CLTCL1: variants seen among roughly 807,000 people sequenced by gnomAD.
CLTCL1 encodes the protein clathrin heavy chain like 1.
A neutral mutation model predicts 190.0 loss-of-function variants in CLTCL1; 159 were observed. The ratio of observed to expected loss-of-function variants is 0.84; its 90% confidence interval spans 0.74 to 0.95. The LOEUF (loss-of-function observed/expected upper bound fraction) is 0.95, where lower values mean the gene tolerates loss of function less well. CLTCL1 is among the 40% of genes least tolerant of loss of function. CLTCL1 has a pLI of 0.00. For synonymous variants in CLTCL1, 752 were observed against 769.6 expected, an observed-to-expected ratio of 0.98 and a Z score of 0.38; for missense variants, 1,878 against 2,033.4, an observed-to-expected ratio of 0.92 and a Z score of 1.47.
chr22:19,282,146 T>C (rs1325473874), intron 1 of CLTCL1, among the ~76,000 whole-genome samples: 1 of 152,008 alleles, frequency 6.6e-6, no homozygotes, highest in Non-Finnish European at 1.5e-5. Flanking sequence ...CTGGCCAATA[T>C]GGTGAAACCC....
At chr22:19,197,278 C>T (rs2084740848) in intron 24 of CLTCL1, among the ~76,000 whole-genome samples, 2 of 152,094 alleles carry the variant, frequency 1.3e-5, no homozygotes, top group African/African-American at 4.8e-5. Context: ...CTTGTTTTCC[C>T]AAGGAGGACA....
intron 4 of CLTCL1, 107 bp from the exon 5 acceptor site, chr22:19,239,495 T>TAACGC: frequency 5.0e-6 from 4 of 799,720 alleles, no homozygotes; most frequent in Non-Finnish European, 8.8e-6. Flanking sequence ...ACTGGATGAT[T>TAACGC]AACGCTAAAA....
At position 19,210,312 on chromosome 22, in the gene CLTCL1, A is replaced by T. The variant is rs373582037; in HGVS notation, c.3249+14T>A. 6.2e-6 allele frequency: 10 copies of T among 1,612,022 alleles called. No individual in the cohort carries two copies. In the African/African-American group the frequency reaches 1.3e-4, roughly 22 times the overall value. On this transcript the variant is annotated intron_variant, in intron 20 of 32. Coordinates refer to ENST00000427926, the MANE Select transcript of CLTCL1 (RefSeq NM_007098.4). ...AAGGTGCTAGGTCCGACATGCTTAC[A>T]CTCAGCAGCCCACCTGGATTGCTGA... is the stretch of plus-strand genomic sequence containing the variant.
intron 22 of CLTCL1, among the ~76,000 whole-genome samples, chr22:19,204,097 CTGTT>C (rs1460995249): frequency 6.6e-6 from 1 of 152,242 alleles, no homozygotes; most frequent in African/African-American, 2.4e-5. Flanking sequence ...GTCCTTCACT[CTGTT>C]TGTAGCATAG....
chr22:19,236,029 A>G (rs1222042158), intron 5 of CLTCL1, among the ~76,000 whole-genome samples, 160 bp from the exon 6 acceptor site: 1 of 152,140 alleles, frequency 6.6e-6, no homozygotes, highest in African/African-American at 2.4e-5. Context: ...GTGCCACCAT[A>G]GCTCACTGCA....
intron 26 of CLTCL1, 84 bp from the exon 27 acceptor site, chr22:19,191,519 C>G: frequency 6.5e-7 from 1 of 1,542,044 alleles, no homozygotes; most frequent in Non-Finnish European, 8.8e-7. Flanking sequence ...TCAAATGACA[C>G]TTTACTACTG....
rs1555959663 is a variant in CLTCL1 at position 19,232,617 on chromosome 22, C to A, written c.1522-19G>T. 3 of 1,600,986 alleles carry A rather than the reference C, an allele frequency of 1.9e-6. No homozygotes were observed. The South Asian group carries it at 3.4e-5, about 18-fold the overall frequency. On this transcript the variant is annotated intron_variant, in intron 9 of 32. Transcript: ENST00000427926. ...ACCCAACCTAGAAGCAAGGGAGCACCAATCAGGAAAATCAATGAAAAACCC... is the reference window on the plus strand; with the variant it reads ...ACCCAACCTAGAAGCAAGGGAGCACAAATCAGGAAAATCAATGAAAAACCC...
chr22:19,243,022 G>T lies in CLTCL1; in HGVS notation c.520-86C>A, dbSNP rs908600323. 3 of 1,306,372 alleles carry T rather than the reference G, an allele frequency of 2.3e-6. No individual in the cohort carries two copies. In the African/African-American group the frequency reaches 4.5e-5, roughly 19 times the overall value. The allele number at this position is 1,306,372 out of a possible 1,614,324, so 80.9% of individuals were successfully genotyped here. On this transcript the variant is annotated intron_variant, in intron 3 of 32. Transcript: ENST00000427926. Reference sequence around the variant, plus strand: ...CTTAAAATATATTTCTAAAATGAAAGTCTCATACATTAGAGGTATACTTCC... The same window carrying T: ...CTTAAAATATATTTCTAAAATGAAATTCTCATACATTAGAGGTATACTTCC...
chr22:19,262,856 C>A (rs1399191219), intron 2 of CLTCL1, among the ~76,000 whole-genome samples: 1 of 151,672 alleles, frequency 6.6e-6, no homozygotes, highest in Non-Finnish European at 1.5e-5. Flanking sequence ...CATGGTGAAA[C>A]CCCATCTCTA....
chr22:19,187,545 C>T lies in CLTCL1; in HGVS notation c.4605+13G>A, dbSNP rs1013283284. 5.0e-6 allele frequency: 8 copies of T among 1,599,524 alleles called. No individual in the cohort carries two copies. The highest frequency in any genetic ancestry group is 6.8e-6 in the Non-Finnish European group (8 of 1,169,964). Reference sequence around the variant, plus strand: ...GGCAGGAAGGTGGGAGGAAACGGGCCCAGGCCACCAACCTTGTAGAGATGA... The same window carrying T: ...GGCAGGAAGGTGGGAGGAAACGGGCTCAGGCCACCAACCTTGTAGAGATGA... On this transcript the variant is annotated intron_variant, in intron 29 of 32. Transcript: ENST00000427926.
Position 19,241,180 on chromosome 22 carries a change from C to T in CLTCL1, c.681+1595G>A, listed in dbSNP as rs114135853. On this transcript the variant is annotated intron_variant, in intron 4 of 32. Transcript: ENST00000427926. ...AGCTCGGCTGGAGGGGCATGCCCAC[C>T]AGAAAGCTAGGTGTAGAGAGAACCC... 5.7e-3 allele frequency among the ~76,000 whole-genome samples: 868 copies of T among 152,320 alleles called. 12 individuals are homozygous for T. The highest frequency in any genetic ancestry group is 0.019 in the African/African-American group (781 of 41,568).
intron 19 of CLTCL1, among the ~76,000 whole-genome samples, chr22:19,212,585 G>GAAAA (rs2085262670): frequency 8.8e-6 from 1 of 113,060 alleles, no homozygotes; most frequent in African/African-American, 3.3e-5. Flanking sequence ...AAGAAAGAAA[G>GAAAA]AGAAAGAAAG....
intron 1 of CLTCL1, among the ~76,000 whole-genome samples, chr22:19,285,164 A>C (rs781882667): frequency 6.6e-6 from 1 of 150,428 alleles, no homozygotes; most frequent in Non-Finnish European, 1.5e-5. Flanking sequence ...AGTCCCAGCT[A>C]CTCGGGAGGC....
intron 10 of CLTCL1, among the ~76,000 whole-genome samples, chr22:19,230,205 G>A (rs1221009844): frequency 1.3e-5 from 2 of 150,430 alleles, no homozygotes; most frequent in Admixed American, 1.3e-4. Context: ...CTGGGTTCAA[G>A]CGATTCTCCT....
intron 1 of CLTCL1, among the ~76,000 whole-genome samples, chr22:19,281,629 C>T (rs921085877): frequency 3.9e-5 from 6 of 152,092 alleles, no homozygotes; most frequent in Non-Finnish European, 2.9e-5. Context: ...CTGGATTTTC[C>T]GGCTTTAGCA....
At chr22:19,268,550 A>G (rs2087197476) in intron 2 of CLTCL1, among the ~76,000 whole-genome samples, 1 of 152,180 alleles carries the variant, frequency 6.6e-6, no homozygotes, top group Admixed American at 6.5e-5. Flanking sequence ...TTAAATAGAC[A>G]TTTCTCAGAA....
intron 26 of CLTCL1, among the ~76,000 whole-genome samples, chr22:19,193,613 G>A (rs983850569): frequency 3.9e-5 from 6 of 152,256 alleles, no homozygotes; most frequent in African/African-American, 1.4e-4. Flanking sequence ...GCTCACGCCT[G>A]TAATCCCAGC....
Position 19,239,303 on chromosome 22 carries a change from G to A in CLTCL1, c.767C>T (p.Ala256Val), listed in dbSNP as rs2086176665. 6.2e-7 allele frequency: 1 copy of A among 1,613,826 alleles called. No individual in the cohort carries two copies. The highest frequency in any genetic ancestry group is 1.7e-5 in the Admixed American group (1 of 60,004). ...CATAGCCACTGGAAAATCATTCTGT[G>A]CCTCTGGAGGAAAAAACACATCTAC... ...KAVDVFFPPE[A>V]QNDFPVAMQI... Residue 256 changes from alanine to valine, a missense_variant, in exon 5 of 33, where the codon GCA becomes GTA. Ala to Val is a moderately conservative substitution (Grantham distance 64). Transcript: ENST00000427926.
chr22:19,206,954 A>G (rs1751623421), intron 22 of CLTCL1, among the ~76,000 whole-genome samples: 1 of 152,160 alleles, frequency 6.6e-6, no homozygotes, highest in Non-Finnish European at 1.5e-5. Flanking sequence ...TCCTATTAAA[A>G]AAGGAATGTT....
Sources: gnomAD v4.1 joint callset for allele counts (sites outside exome capture counted in the v4.1 genomes callset) on GRCh38, gnomAD v4.1.1 for gene constraint, MANE v1.5 for transcripts, NCBI Gene and HGNC (gene_info 2026-07-23, HGNC 2026-07-21) for gene names.